The following C2CD5 variants were observed in gnomAD, a reference collection of about 807,000 sequenced individuals.
The protein encoded by C2CD5 is C2 calcium dependent domain containing 5, also known as C2 domain-containing protein 5.
In C2CD5, 109 loss-of-function variants were observed where a neutral mutation model predicts 130.3. The ratio of observed to expected loss-of-function variants is 0.84; its 90% confidence interval spans 0.72 to 0.98. C2CD5 has a LOEUF of 0.98. C2CD5 is among the 50% of genes least tolerant of loss of function. C2CD5 has a pLI of 0.00. For synonymous variants in C2CD5, 454 were observed against 429.2 expected (o/e 1.06, Z -0.71); for missense variants, 996 against 1,261.8 (o/e 0.79, Z 3.19).
At chr12:22,494,349 C>CA (rs1175020799) in intron 10 of C2CD5, among the ~76,000 whole-genome samples, 1 of 151,794 alleles carries the variant, frequency 6.6e-6, no homozygotes, top group South Asian at 2.1e-4. Flanking sequence ...ATCTAAAAAC[C>CA]AAAAAATCCA....
intron 15 of C2CD5, chr12:22,478,009 ACT>A (rs1334355278): frequency 3.4e-5 from 10 of 293,288 alleles, no homozygotes; most frequent in South Asian, 1.5e-4. Flanking sequence ...AAACACACAC[ACT>A]CACACACACA....
intron 22 of C2CD5, among the ~76,000 whole-genome samples, chr12:22,465,842 T>C (rs1565659118): frequency 6.6e-6 from 1 of 152,068 alleles, no homozygotes; most frequent in Non-Finnish European, 1.5e-5. Flanking sequence ...TGATACCATA[T>C]CATCTATCCT....
intron 25 of C2CD5, among the ~76,000 whole-genome samples, chr12:22,456,444 G>C (rs2135989970): frequency 6.6e-6 from 1 of 152,216 alleles, no homozygotes; most frequent in East Asian, 1.9e-4. Context: ...ATTACAACTT[G>C]TTATTTAAAA....
intron 13 of C2CD5, among the ~76,000 whole-genome samples, chr12:22,483,591 T>C (rs1256810099): frequency 1.3e-5 from 2 of 151,878 alleles, no homozygotes; most frequent in Non-Finnish European, 1.5e-5. Flanking sequence ...CAGCAGACCA[T>C]CAAAAGAAAT....
Position 22,519,295 on chromosome 12 carries a change from G to A in C2CD5, c.801-1158C>T, listed in dbSNP as rs959975259. ...AAGAAAACAATACATACAACAGATT[G>A]CAGAGTTATGTTAAAATAATTTCAA... On this transcript the variant is annotated intron_variant, in intron 7 of 26. Coordinates refer to ENST00000446597, the MANE Select transcript of C2CD5 (RefSeq NM_001286176.2). 6 of 1,428,114 alleles carry A rather than the reference G, an allele frequency of 4.2e-6. No individual in the cohort carries two copies. The Admixed American group carries it at 1.1e-4, about 25-fold the overall frequency. The allele number at this position is 1,428,114 out of a possible 1,614,324, so 88.5% of individuals were successfully genotyped here.
chr12:22,534,302 A>G (rs1250004930), intron 3 of C2CD5, among the ~76,000 whole-genome samples: 1 of 152,140 alleles, frequency 6.6e-6, no homozygotes, highest in Non-Finnish European at 1.5e-5. Flanking sequence ...ACAAAAAAAC[A>G]TAGGGGTAAT....
At chr12:22,529,278 CTAT>C (rs1270838162) in intron 3 of C2CD5, among the ~76,000 whole-genome samples, 1 of 152,182 alleles carries the variant, frequency 6.6e-6, no homozygotes, top group African/African-American at 2.4e-5. Flanking sequence ...CTCTCCACTA[CTAT>C]TGTTATGTAT....
intron 10 of C2CD5, among the ~76,000 whole-genome samples, chr12:22,499,665 A>T (rs1284862751): frequency 6.6e-6 from 1 of 152,090 alleles, no homozygotes; most frequent in Admixed American, 6.6e-5. Context: ...ATAGTCAATG[A>T]TCTAATGCAA....
chr12:22,459,460 T>G, intron 23 of C2CD5, 32 bp downstream of exon 23: 2 of 1,426,318 alleles, frequency 1.4e-6, no homozygotes, highest in Non-Finnish European at 1.9e-6. Context: ...TTTACACCTT[T>G]GGTGACTATT....
Position 22,527,335 on chromosome 12 carries a change from T to A in C2CD5, c.349+386A>T, listed in dbSNP as rs917172872. ...TTATATACATATATATATATATTTT[T>A]TTTTTTTTTTTTTGAGCTAGAGTTT... On this transcript the variant is annotated intron_variant, in intron 4 of 26. Coordinates refer to ENST00000446597, the MANE Select transcript of C2CD5 (RefSeq NM_001286176.2). 2.4e-3 allele frequency among the ~76,000 whole-genome samples: 352 copies of A among 145,572 alleles called. 1 individual carries two copies. Among genetic ancestry groups the A allele is most frequent in the African/African-American group, 5.8e-3 (230 of 39,764 alleles).
rs1042771703 is a variant in C2CD5 at position 22,530,449 on chromosome 12, T to C, written c.178-2557A>G. Among the ~76,000 whole-genome samples the C allele has an allele frequency of 4.0e-5, 6 of 151,682 alleles. No homozygotes were observed. In the East Asian group the frequency reaches 5.8e-4, roughly 15 times the overall value. ...TATTCGGGAAGACTAGTCAAAACAG[T>C]AACTTACTAAATTTTTTTTTTTTTT... On this transcript the variant is annotated intron_variant, in intron 3 of 26. Coordinates refer to ENST00000446597, the MANE Select transcript of C2CD5 (RefSeq NM_001286176.2).
intron 13 of C2CD5, 75 bp from the exon 14 acceptor site, chr12:22,482,818 A>G: frequency 2.9e-6 from 3 of 1,029,402 alleles, no homozygotes; most frequent in East Asian, 4.8e-5. Context: ...AAAACTTGCT[A>G]AAAGTGTGCT....
intron 10 of C2CD5, among the ~76,000 whole-genome samples, chr12:22,501,295 T>G (rs1018999324): frequency 6.6e-5 from 10 of 152,090 alleles, no homozygotes; most frequent in Non-Finnish European, 1.5e-4. Flanking sequence ...TGTTTTTCTT[T>G]GCCAAACCGT....
intron 10 of C2CD5, among the ~76,000 whole-genome samples, chr12:22,497,224 G>C: frequency 6.6e-6 from 1 of 152,054 alleles, no homozygotes; most frequent in Non-Finnish European, 1.5e-5. Flanking sequence ...TTATTCTAAT[G>C]TTTTAAAGCA....
chr12:22,459,180 G>A (rs899582414), intron 23 of C2CD5, among the ~76,000 whole-genome samples: 1 of 151,994 alleles, frequency 6.6e-6, no homozygotes, highest in African/African-American at 2.4e-5. Flanking sequence ...TGGGGTCAGG[G>A]CAGGTGTGAG....
intron 8 of C2CD5, among the ~76,000 whole-genome samples, chr12:22,515,990 T>C (rs1052457741): frequency 1.3e-4 from 19 of 150,518 alleles, no homozygotes; most frequent in Non-Finnish European, 2.5e-4. Context: ...TACAGAAATA[T>C]AAAATTTTTT....
chr12:22,470,084 T>C (rs1425479263), intron 21 of C2CD5, among the ~76,000 whole-genome samples: 1 of 152,142 alleles, frequency 6.6e-6, no homozygotes, highest in Non-Finnish European at 1.5e-5. Context: ...ATAATTAATA[T>C]CCTATACTTT....
chr12:22,524,234 C>A (rs1389233211), intron 6 of C2CD5, among the ~76,000 whole-genome samples: 1 of 152,184 alleles, frequency 6.6e-6, no homozygotes, highest in Non-Finnish European at 1.5e-5. Context: ...GCTCAGCGCT[C>A]TTTCCACTAC....
chr12:22,482,788 T>C, intron 13 of C2CD5, 45 bp from the exon 14 acceptor site: 1 of 1,418,006 alleles, frequency 7.1e-7, no homozygotes, highest in Non-Finnish European at 9.8e-7. Context: ...TGGTACCACC[T>C]TTAAAAATGT....
Sources: gnomAD v4.1 joint callset for allele counts (sites outside exome capture counted in the v4.1 genomes callset) on GRCh38, gnomAD v4.1.1 for gene constraint, MANE v1.5 for transcripts, NCBI Gene and HGNC (gene_info 2026-07-23, HGNC 2026-07-21) for gene names.